The following DOK4 variants were observed in gnomAD, a reference collection of about 807,000 sequenced individuals.
DOK4 encodes the protein downstream of tyrosine kinase 4.
In DOK4, 26 loss-of-function variants were observed where a neutral mutation model predicts 40.1. The ratio of observed to expected loss-of-function variants is 0.65; its 90% confidence interval spans 0.48 to 0.90. DOK4 has a LOEUF of 0.90. Ranked by LOEUF, DOK4 falls within the 40% of genes least tolerant of loss-of-function variation. DOK4 has a pLI of 0.00. For synonymous variants in DOK4, 179 were observed against 177.0 expected (o/e 1.01, Z -0.09); for missense variants, 392 against 437.2 (o/e 0.90, Z 0.92).
At chr16:57,480,049 C>A (rs1379418736) in intron 1 of DOK4, 1 of 152,438 alleles carries the variant, frequency 6.6e-6, no homozygotes, top group Non-Finnish European at 1.5e-5. Flanking sequence ...ATCGTGGCCC[C>A]ATCAACTGTG....
chr16:57,475,152 G>C (rs1444883609), exon 5 of DOK4: 1 of 1,613,954 alleles, frequency 6.2e-7, no homozygotes, highest in South Asian at 1.1e-5. Flanking sequence ...CTCCCAGACT[G>C]ATGTCGTTGA....
chr16:57,482,155 CG>C (rs2031431813), intron 1 of DOK4, among the ~76,000 whole-genome samples: 1 of 151,894 alleles, frequency 6.6e-6, no homozygotes. Context: ...TGAGCCACTG[CG>C]CCCGGCCTTC....
At chr16:57,482,420 G>A (rs957267835) in intron 1 of DOK4, among the ~76,000 whole-genome samples, 7 of 132,176 alleles carry the variant, frequency 5.3e-5, no homozygotes, top group Non-Finnish European at 9.3e-5. Flanking sequence ...AGGCTGGAGT[G>A]CAGTGGCCCA....
exon 6 of DOK4, chr16:57,474,793 C>T (rs376988578): frequency 4.8e-5 from 78 of 1,613,276 alleles, no homozygotes; most frequent in Admixed American, 6.7e-5. Flanking sequence ...AGGGTCCTAC[C>T]GGCCAGCCTC....
At chr16:57,482,513 C>T (rs1397448624) in intron 1 of DOK4, among the ~76,000 whole-genome samples, 2 of 151,884 alleles carry the variant, frequency 1.3e-5, no homozygotes, top group East Asian at 3.9e-4. Flanking sequence ...ACTACAGGAG[C>T]CCACCACCAT....
chr16:57,485,970 G>A lies in DOK4; in HGVS notation c.-182+335C>T, dbSNP rs77429872. On this transcript the variant is annotated intron_variant, in intron 1 of 8. Transcript: ENST00000340099. This position sits in a 1 kb window ranked among gnomAD's most constrained non-coding sequence, Gnocchi z 4.3. Reference sequence around the variant, plus strand: ...GAAGGTTGGGAGCTGCCAGGGGCTGGGTTATGCCCCTTCCGGGGGGGCAGG... The same window carrying A: ...GAAGGTTGGGAGCTGCCAGGGGCTGAGTTATGCCCCTTCCGGGGGGGCAGG... Among the ~76,000 whole-genome samples the A allele has an allele frequency of 0.022, 3,365 of 152,284 alleles. 137 individuals are homozygous for A. Among genetic ancestry groups the A allele is most frequent in the African/African-American group, 0.076 (3,168 of 41,558 alleles).
intron 1 of DOK4, among the ~76,000 whole-genome samples, chr16:57,481,162 C>G (rs1032635923): frequency 6.6e-6 from 1 of 152,144 alleles, no homozygotes; most frequent in Non-Finnish European, 1.5e-5. Context: ...TAATTAATGT[C>G]CTGGAGGCCT....
chr16:57,476,434 C>G (rs1350730772), intron 2 of DOK4: 1 of 162,062 alleles, frequency 6.2e-6, no homozygotes, highest in Non-Finnish European at 1.3e-5. Flanking sequence ...AGGGCAGACC[C>G]TCACAGCCCA....
chr16:57,478,248 G>A (rs1185522103), intron 2 of DOK4, among the ~76,000 whole-genome samples: 1 of 152,176 alleles, frequency 6.6e-6, no homozygotes, highest in Non-Finnish European at 1.5e-5. Flanking sequence ...GAGCCCCAGG[G>A]CAGGGAGGCA....
intron 1 of DOK4, among the ~76,000 whole-genome samples, chr16:57,486,031 T>C (rs1174319616): frequency 1.3e-5 from 2 of 149,870 alleles, no homozygotes; most frequent in Non-Finnish European, 3.0e-5. Flanking sequence ...TCGGATGAGG[T>C]TTGTGTGGGT....
chr16:57,479,419 C>A lies in DOK4; in HGVS notation c.66+23G>T. The A allele has an allele frequency of 6.2e-7, 1 of 1,612,140 alleles. No homozygotes were observed. Among genetic ancestry groups the A allele is most frequent in the South Asian group, 1.1e-5 (1 of 90,936 alleles). On this transcript the variant is annotated intron_variant, in intron 2 of 8. Coordinates refer to ENST00000340099, the Ensembl canonical transcript of DOK4. This position sits in a 1 kb window ranked among gnomAD's most constrained non-coding sequence, Gnocchi z 5.8. ...GGGCCCCCATCCCTTGGCAGGGCCC[C>A]TCCGCAGCTCAGGGTCACTCACCCC...
chr16:57,475,138 G>C (rs1338190340), exon 5 of DOK4: 1 of 1,613,920 alleles, frequency 6.2e-7, no homozygotes, highest in Non-Finnish European at 8.5e-7. Context: ...CAGGAGGTCA[G>C]GTTCTCCCAG....
At chr16:57,473,327 C>T (rs201543744) in exon 9 of DOK4, 16 of 1,574,098 alleles carry the variant, frequency 1.0e-5, no homozygotes, top group Admixed American at 8.7e-5. Flanking sequence ...CTGCAGCCAG[C>T]CCCGCAGCAG....
chr16:57,481,989 C>G (rs780887273), intron 1 of DOK4: 4 of 151,924 alleles, frequency 2.6e-5, no homozygotes, highest in Non-Finnish European at 4.4e-5. Context: ...CTCGGCTTCC[C>G]GAGTAGCTGG....
intron 1 of DOK4, chr16:57,484,118 C>G (rs1161277215): frequency 6.6e-6 from 1 of 152,312 alleles, no homozygotes; most frequent in African/African-American, 2.4e-5. Flanking sequence ...GCTGAGCACT[C>G]CCTCTCGCAC....
intron 6 of DOK4, among the ~76,000 whole-genome samples, chr16:57,474,424 C>T (rs148023306): frequency 7.4e-4 from 111 of 150,238 alleles, no homozygotes; most frequent in Admixed American, 2.0e-3. Context: ...CAGACTGACT[C>T]CAGAGTTCAA....
At chr16:57,478,193 GA>G (rs1470943290) in intron 2 of DOK4, among the ~76,000 whole-genome samples, 3 of 152,144 alleles carry the variant, frequency 2.0e-5, no homozygotes, top group African/African-American at 7.2e-5. Context: ...TTCAGAGGAA[GA>G]GCAAAGTAGC....
chr16:57,475,921 A>G (rs1273753340), exon 3 of DOK4: 2 of 1,613,424 alleles, frequency 1.2e-6, no homozygotes, highest in Non-Finnish European at 1.7e-6. Flanking sequence ...CCCTTGCTGG[A>G]GGATTTCCGG....
At chr16:57,475,029 G>T in intron 5 of DOK4, 47 bp from the exon 6 acceptor site, 2 of 1,600,030 alleles carry the variant, frequency 1.2e-6, no homozygotes. Flanking sequence ...TGCCCCAGAT[G>T]GGGACTTCCT....
Sources: gnomAD v4.1 joint callset for allele counts (sites outside exome capture counted in the v4.1 genomes callset) on GRCh38, gnomAD v4.1.1 for gene constraint, Gnocchi (gnomAD v3.1) non-coding constraint, MANE v1.5 for transcripts, NCBI Gene and HGNC (gene_info 2026-07-23, HGNC 2026-07-21) for gene names.